The following CNOT8 variants were observed in gnomAD, a reference collection of about 807,000 sequenced individuals.
CNOT8 encodes the protein CAF1-like protein.
Under a neutral mutation model 34.6 loss-of-function variants are expected in CNOT8, and 18 were observed. The ratio of observed to expected loss-of-function variants is 0.52; its 90% confidence interval spans 0.36 to 0.77. CNOT8 has a LOEUF of 0.77. Ranked by LOEUF, CNOT8 falls within the 30% of genes least tolerant of loss-of-function variation. The probability of loss-of-function intolerance (pLI) is 0.00; values close to 1 mark genes in which losing one functional copy is unlikely to be tolerated. For synonymous variants in CNOT8, 101 were observed against 118.8 expected (o/e 0.85, Z 0.98); for missense variants, 189 against 347.9 (o/e 0.54, Z 3.63).
At chr5:154,864,489 T>C (rs948462266) in intron 2 of CNOT8, among the ~76,000 whole-genome samples, 2 of 152,092 alleles carry the variant, frequency 1.3e-5, no homozygotes, top group African/African-American at 4.8e-5. Flanking sequence ...GAGTTAAGTC[T>C]TTAGCTTGGT....
chr5:154,858,292 G>A (rs1760985523), upstream of CNOT8: 1 of 152,068 alleles, frequency 6.6e-6, no homozygotes, highest in Non-Finnish European at 1.5e-5. Context: ...ATTAAATTGA[G>A]CGAGCGCAAC....
Position 154,870,739 on chromosome 5 carries a change from G to A in CNOT8, c.390G>A (p.Gly130=), listed in dbSNP as rs773705720. ...AGTTTCAGAAGCATGAAGAGGAAGG[G>A]ATTGACACACTGCACTTTGCAGAGC... ...GLQFQKHEEE[G]IDTLHFAELL... Residue 130 remains glycine, a synonymous_variant, in exon 4 of 7, where the codon GGG becomes GGA. Transcript: ENST00000285896. 2.2e-5 allele frequency: 36 copies of A among 1,613,942 alleles called. No homozygotes were observed. The highest frequency in any genetic ancestry group is 1.6e-4 in the Middle Eastern group (1 of 6,084).
chr5:154,868,268 C>CTTTTTTTTTTT (rs543872202), intron 3 of CNOT8, among the ~76,000 whole-genome samples: 2 of 103,926 alleles, frequency 1.9e-5, no homozygotes, highest in Non-Finnish European at 3.7e-5. Flanking sequence ...CTTTTCTTTT[C>CTTTTTTTTTTT]TTTTTTTTTT....
At chr5:154,866,116 CCTG>C (rs1761841733) in intron 3 of CNOT8, among the ~76,000 whole-genome samples, 1 of 152,098 alleles carries the variant, frequency 6.6e-6, no homozygotes, top group Non-Finnish European at 1.5e-5. Flanking sequence ...CCTATTGTAT[CCTG>C]CTTTGTTTAA....
chr5:154,873,710 T>C (rs755080093), intron 6 of CNOT8, among the ~76,000 whole-genome samples: 1 of 152,196 alleles, frequency 6.6e-6, no homozygotes, highest in Non-Finnish European at 1.5e-5. Flanking sequence ...AGAACTAAGA[T>C]TGTAGAGAGG....
chr5:154,867,037 G>GA (rs1249488195), intron 3 of CNOT8, among the ~76,000 whole-genome samples: 2 of 152,106 alleles, frequency 1.3e-5, no homozygotes, highest in Non-Finnish European at 2.9e-5. Context: ...TAATTTAGTG[G>GA]AAAAAAATCA....
At chr5:154,863,850 T>C (rs926160366) in intron 2 of CNOT8, among the ~76,000 whole-genome samples, 8 of 152,120 alleles carry the variant, frequency 5.3e-5, no homozygotes, top group South Asian at 4.1e-4. Flanking sequence ...TCCACAGATA[T>C]GTTGGATTTG....
chr5:154,863,415 C>T lies in CNOT8; in HGVS notation c.117+20C>T. 1.3e-6 allele frequency: 2 copies of T among 1,543,366 alleles called. No homozygotes were observed. The highest frequency in any genetic ancestry group is 2.2e-5 in the South Asian group (2 of 89,790). ...GCCATGGTAAGGAGCTCTACTCTGACTCACCTTCTTTGTCACTTTTAAAGT... is the reference window on the plus strand; with the variant it reads ...GCCATGGTAAGGAGCTCTACTCTGATTCACCTTCTTTGTCACTTTTAAAGT... On this transcript the variant is annotated intron_variant, in intron 2 of 6. Coordinates refer to ENST00000285896, the MANE Select transcript of CNOT8 (RefSeq NM_001301073.2).
chr5:154,869,997 A>G (rs1013529849), intron 3 of CNOT8, among the ~76,000 whole-genome samples: 1 of 152,112 alleles, frequency 6.6e-6, no homozygotes, highest in Non-Finnish European at 1.5e-5. Flanking sequence ...GCCTCAAGTG[A>G]TCTGCCTGTC....
chr5:154,863,949 G>C (rs77721820), intron 2 of CNOT8, among the ~76,000 whole-genome samples: 10,064 of 147,152 alleles, frequency 0.068, 447 homozygotes, highest in Non-Finnish European at 0.1. Flanking sequence ...TGGCATCTCT[G>C]AAAAAAAAAA....
At chr5:154,870,520 T>G (rs1215991406) in intron 3 of CNOT8, 141 bp from the exon 4 acceptor site, 1 of 588,598 alleles carries the variant, frequency 1.7e-6, no homozygotes, top group African/African-American at 1.9e-5. Flanking sequence ...GTTTGAATGT[T>G]GGAAAGAGTG....
chr5:154,865,197 A>T lies in CNOT8; in HGVS notation c.123A>T (p.Thr41=). The change falls in exon 3 of 7, where the codon ACA becomes ACT. Residue 41 remains threonine, a synonymous_variant. Coordinates refer to ENST00000285896, the MANE Select transcript of CNOT8 (RefSeq NM_001301073.2). The part of the protein sequence containing the change: ...VLSYSYIAMD[T]EFPGVVVRPI... ...GAGACTTTTTCCTTTTCCAGGACAC[A>T]GAATTTCCAGGTGTTGTGGTGCGAC... 6.4e-7 allele frequency: 1 copy of T among 1,569,232 alleles called. No individual in the cohort carries two copies. Among genetic ancestry groups the T allele is most frequent in the Non-Finnish European group, 8.6e-7 (1 of 1,160,350 alleles).
intron 5 of CNOT8, among the ~76,000 whole-genome samples, chr5:154,872,232 T>C (rs1471537541): frequency 2.0e-5 from 3 of 152,242 alleles, no homozygotes; most frequent in Admixed American, 6.5e-5. Flanking sequence ...TAATAAATTG[T>C]TGACATAGAG....
At chr5:154,870,496 T>G (rs1209420403) in intron 3 of CNOT8, 165 bp from the exon 4 acceptor site, 1 of 504,692 alleles carries the variant, frequency 2.0e-6, no homozygotes, top group African/African-American at 2.0e-5. Context: ...AAATATGATC[T>G]ACTTTGCATG....
chr5:154,870,889 T>TA (rs1282348106), intron 4 of CNOT8, 67 bp downstream of exon 4: 11 of 1,428,726 alleles, frequency 7.7e-6, no homozygotes, highest in African/African-American at 1.4e-5. Flanking sequence ...ATTGAATTCT[T>TA]AGTCATTTTT....
In CNOT8 at chr5:154,872,619, C is replaced by T. The variant is rs1454441270; in HGVS notation, c.697C>T (p.Leu233=). 2 of 1,613,196 alleles carry T rather than the reference C, an allele frequency of 1.2e-6. No homozygotes were observed. Among genetic ancestry groups the T allele is most frequent in the Non-Finnish European group, 1.7e-6 (2 of 1,179,514 alleles). Residue 233 remains leucine, a synonymous_variant, in exon 6 of 7, where the codon CTG becomes TTG. Coordinates refer to ENST00000285896, the MANE Select transcript of CNOT8 (RefSeq NM_001301073.2). The part of the protein sequence containing the change: ...RQHQAGSDSL[L]TGMAFFRMKE... ...GCACCAGGCAGGCTCAGACTCACTG[C>T]TGACAGGAATGGCTTTCTTTAGGAT... is the stretch of plus-strand genomic sequence containing the variant.
chr5:154,872,678 G>T (rs777546991), intron 6 of CNOT8, 27 bp downstream of exon 6: 8 of 1,454,404 alleles, frequency 5.5e-6, no homozygotes, highest in East Asian at 2.3e-5. Context: ...GTGATCACAG[G>T]CCTCTCGGCA....
At chr5:154,858,390 T>TA (rs929526335), upstream of CNOT8, 1 of 152,246 alleles carries the variant, frequency 6.6e-6, no homozygotes, top group Non-Finnish European at 1.5e-5. Context: ...GGCACCCTGT[T>TA]ACTTCTGCTC....
At chr5:154,871,609 T>C in intron 4 of CNOT8, 121 bp from the exon 5 acceptor site, 1 of 515,140 alleles carries the variant, frequency 1.9e-6, no homozygotes, top group Non-Finnish European at 3.5e-6. Context: ...GATAAACTAC[T>C]CAGAAAAAGT....
Sources: gnomAD v4.1 joint callset for allele counts (sites outside exome capture counted in the v4.1 genomes callset) on GRCh38, gnomAD v4.1.1 for gene constraint, MANE v1.5 for transcripts, NCBI Gene and HGNC (gene_info 2026-07-23, HGNC 2026-07-21) for gene names.